The following PRUNE2 variants were observed in gnomAD, a reference collection of about 807,000 sequenced individuals.
The protein encoded by PRUNE2 is protein prune homolog 2.
PRUNE2 carries 164 observed loss-of-function variants against 252.0 expected under a neutral mutation model. The ratio of observed to expected loss-of-function variants is 0.65; its 90% CI spans 0.57 to 0.74. PRUNE2 has a LOEUF of 0.74. Ranked by LOEUF, PRUNE2 falls within the 30% of genes least tolerant of loss-of-function variation. PRUNE2 has a pLI of 0.00. For missense variants in PRUNE2, 3,495 were observed against 3,711.0 expected, an observed-to-expected ratio of 0.94 and a Z score of 1.51; for synonymous variants, 1,292 against 1,350.2, an observed-to-expected ratio of 0.96 and a Z score of 0.94.
chr9:76,902,768 A>T (rs986204999), intron 1 of PRUNE2, among the ~76,000 whole-genome samples: 3 of 152,210 alleles, frequency 2.0e-5, no homozygotes, highest in African/African-American at 7.2e-5. Context: ...GGCAGAAGTC[A>T]GGCCCACATG....
In PRUNE2 at chr9:76,857,087, C is replaced by T. The variant is rs756270467; in HGVS notation, c.37-2879G>A. On this transcript the variant is annotated intron_variant, in intron 1 of 18. Coordinates refer to ENST00000376718, the MANE Select transcript of PRUNE2 (RefSeq NM_015225.3). Reference sequence around the variant, plus strand: ...TCTTTTTTCATGGTCTCTCATTTCTCTCCTCACTTTCCTTCATCCTATGCA... The same window carrying T: ...TCTTTTTTCATGGTCTCTCATTTCTTTCCTCACTTTCCTTCATCCTATGCA... 9.2e-5 allele frequency: 42 copies of T among 455,760 alleles called. 1 individual carries two copies. Among genetic ancestry groups the T allele is most frequent in the South Asian group, 5.3e-4 (34 of 64,554 alleles). 28.2% of individuals were successfully genotyped at this position (455,760 alleles called of 1,614,324 possible). A position where few individuals can be genotyped will look rare whatever the true frequency, so the allele number is the denominator to read the frequency against.
At chr9:76,700,062 A>G (rs892630939) in intron 9 of PRUNE2, 2 of 152,242 alleles carry the variant, frequency 1.3e-5, no homozygotes, top group Non-Finnish European at 2.9e-5. Context: ...CAGTGCTGCA[A>G]ATCTCAAGGG....
chr9:76,776,893 TACACACAC>T (rs541232508), intron 6 of PRUNE2, among the ~76,000 whole-genome samples: 1,560 of 115,654 alleles, frequency 0.013, 30 homozygotes, highest in African/African-American at 0.038. Context: ...CCAAAACACA[TACACACAC>T]ACACACACAC....
At chr9:76,652,415 A>T (rs1847756728) in intron 11 of PRUNE2, 68 bp downstream of exon 11, 1 of 1,073,298 alleles carries the variant, frequency 9.3e-7, no homozygotes, top group Admixed American at 2.0e-5. Context: ...CACAAAAATG[A>T]GAGGTCTGTT....
intron 1 of PRUNE2, among the ~76,000 whole-genome samples, chr9:76,874,121 G>A (rs2061361373): frequency 6.6e-6 from 1 of 152,158 alleles, no homozygotes; most frequent in Non-Finnish European, 1.5e-5. Context: ...AGCACTTAAA[G>A]CTTTGGCTTT....
In PRUNE2 at chr9:76,648,792, C is replaced by G. The variant is rs1387949773; in HGVS notation, c.8557+3691G>C. On this transcript the variant is annotated intron_variant, in intron 11 of 18. Coordinates refer to ENST00000376718, the MANE Select transcript of PRUNE2 (RefSeq NM_015225.3). ...TGCACAACTTGGAATCGTGATGATA[C>G]TACAAGCCAAGACTCCTACTCTAAG... Among the ~76,000 whole-genome samples, 6 of 152,242 alleles carry G rather than the reference C, an allele frequency of 3.9e-5. No individual in the cohort carries two copies. In the East Asian group the frequency reaches 1.2e-3, roughly 29 times the overall value.
chr9:76,755,812 T>C (rs1036505836), intron 6 of PRUNE2, among the ~76,000 whole-genome samples: 2 of 152,120 alleles, frequency 1.3e-5, no homozygotes, highest in African/African-American at 4.8e-5. Context: ...AACGATTGTC[T>C]CGCTTCAGCC....
At chr9:76,869,398 C>G (rs1032142395) in intron 1 of PRUNE2, among the ~76,000 whole-genome samples, 1 of 152,204 alleles carries the variant, frequency 6.6e-6, no homozygotes, top group Non-Finnish European at 1.5e-5. Flanking sequence ...ATTTATTACA[C>G]TGTGTGTTTT....
At chr9:76,682,419 T>C (rs2043564633) in intron 9 of PRUNE2, among the ~76,000 whole-genome samples, 1 of 149,678 alleles carries the variant, frequency 6.7e-6, no homozygotes, top group Non-Finnish European at 1.5e-5. Flanking sequence ...TAGAGTGCAG[T>C]GGCGTGATCT....
chr9:76,706,432 C>T lies in PRUNE2; in HGVS notation c.5842G>A (p.Glu1948Lys), dbSNP rs369184818. The T allele has an allele frequency of 1.2e-6, 2 of 1,614,006 alleles. No homozygotes were observed. Among genetic ancestry groups the T allele is most frequent in the African/African-American group, 2.7e-5 (2 of 75,062 alleles). Residue 1948 changes from glutamate to lysine, a missense_variant, in exon 8 of 19, where the codon GAG becomes AAG. Physicochemically the swap from Glu to Lys is moderately conservative, Grantham distance 56. Coordinates refer to ENST00000376718, the MANE Select transcript of PRUNE2 (RefSeq NM_015225.3). ...EQTFVSAAGD[E>K]LTPETPTQEQ... Reference sequence around the variant, plus strand: ...TGGGTAGGTGTTTCAGGAGTCAGCTCATCACCAGCAGCAGACACAAAGGTT... The same window carrying T: ...TGGGTAGGTGTTTCAGGAGTCAGCTTATCACCAGCAGCAGACACAAAGGTT...
intron 6 of PRUNE2, among the ~76,000 whole-genome samples, chr9:76,760,466 T>C (rs1314830993): frequency 6.6e-6 from 1 of 152,200 alleles, no homozygotes; most frequent in Admixed American, 6.5e-5. Context: ...TTTCCCTTCT[T>C]ACTTTAATAA....
intron 6 of PRUNE2, among the ~76,000 whole-genome samples, chr9:76,715,015 A>G (rs1328469981): frequency 1.3e-5 from 2 of 152,238 alleles, no homozygotes; most frequent in Non-Finnish European, 2.9e-5. Flanking sequence ...AAGGGATTTA[A>G]AAGATTCTGT....
rs370513077 is a variant in PRUNE2, at chr9:76,688,347, G to GT, written c.8276+14989dup. Among the ~76,000 whole-genome samples, 460 of 152,348 alleles carry GT rather than the reference G, an allele frequency of 3.0e-3. 3 individuals are homozygous for GT. Among genetic ancestry groups the GT allele is most frequent in the African/African-American group, 0.011 (439 of 41,580 alleles). On this transcript the variant is annotated intron_variant, in intron 9 of 18. Transcript: ENST00000376718. ...AATCAGATGTGGTTTTTCACTTGCA[G>GT]TAAGTGTTGCTGCCCAAGTCGGCTC...
At chr9:76,772,007 T>C (rs1027369291) in intron 6 of PRUNE2, among the ~76,000 whole-genome samples, 3 of 152,212 alleles carry the variant, frequency 2.0e-5, no homozygotes, top group African/African-American at 7.2e-5. Context: ...AATTTGCCTA[T>C]ACGAAGTCCG....
chr9:76,898,486 G>A (rs17787819), intron 1 of PRUNE2, among the ~76,000 whole-genome samples: 1 of 152,024 alleles, frequency 6.6e-6, no homozygotes, highest in Non-Finnish European at 1.5e-5. Flanking sequence ...TCAAATTTGA[G>A]TAGATGAACC....
chr9:76,653,379 A>C (rs1848119369), intron 10 of PRUNE2, among the ~76,000 whole-genome samples: 1 of 152,216 alleles, frequency 6.6e-6, no homozygotes, highest in Non-Finnish European at 1.5e-5. Context: ...CATATAACCC[A>C]TGCACATCCT....
intron 1 of PRUNE2, among the ~76,000 whole-genome samples, chr9:76,871,947 T>C (rs1273462326): frequency 6.6e-6 from 1 of 152,080 alleles, no homozygotes; most frequent in Non-Finnish European, 1.5e-5. Context: ...ACAATTTTCT[T>C]AAAATTACGC....
chr9:76,639,975 G>C (rs1030310817), intron 12 of PRUNE2, among the ~76,000 whole-genome samples: 5 of 152,172 alleles, frequency 3.3e-5, no homozygotes, highest in Non-Finnish European at 7.3e-5. Context: ...GTGTCAGTCA[G>C]ACCCCCACAG....
Position 76,709,938 on chromosome 9 carries a change from G to A in PRUNE2, c.2336C>T (p.Pro779Leu), listed in dbSNP as rs755404522. The A allele has an allele frequency of 6.2e-7, 1 of 1,613,804 alleles. No individual in the cohort carries two copies. The highest frequency in any genetic ancestry group is 8.5e-7 in the Non-Finnish European group (1 of 1,179,820). The change falls in exon 8 of 19, where the codon CCC becomes CTC. Residue 779 changes from proline to leucine, a missense_variant. Coordinates refer to ENST00000376718, the MANE Select transcript of PRUNE2 (RefSeq NM_015225.3). The stretch of plus-strand genomic sequence containing the variant: ...ATCTGTAGGATTTCCCCAGGGCTCG[G>A]GCATGGCTGTGGGAGAGCGACCAGA... ...WHSGRSPTAM[P>L]EPWGNPTDDG... is the part of the protein sequence containing the mutation.
Sources: allele counts gnomAD v4.1 joint callset (sites outside exome capture counted in the v4.1 genomes callset), GRCh38; gene constraint gnomAD v4.1.1; transcripts MANE v1.5; gene names NCBI Gene and HGNC (gene_info 2026-07-23, HGNC 2026-07-21).